The following NTM variants were observed in gnomAD, a reference collection of about 807,000 sequenced individuals.
NTM encodes the protein neurotrimin, also known as IgLON family member 2.
A neutral mutation model predicts 42.1 loss-of-function variants in NTM; 13 were observed. The ratio of observed to expected loss-of-function variants is 0.31; its 90% confidence interval spans 0.20 to 0.49. NTM has a LOEUF of 0.49. Ranked by LOEUF, NTM falls within the 20% of genes least tolerant of loss-of-function variation. NTM has a pLI of 0.99. For missense variants in NTM, 373 were observed against 452.8 expected (o/e 0.82, Z 1.60); for synonymous variants, 187 against 179.2 (o/e 1.04, Z -0.35).
rs11824328 is a variant in NTM, at chr11:132,272,322, A to G, written c.527-35367A>G. On this transcript the variant is annotated intron_variant, in intron 4 of 8. Coordinates refer to ENST00000683400, the MANE Select transcript of NTM (RefSeq NM_001352005.2). ...GAATCTGGAAATGTGGGTTCTTTAA[A>G]TTTGTTCTTTGTTTTCAATATTGTT... is the stretch of plus-strand genomic sequence containing the variant. Among the ~76,000 whole-genome samples, 1,514 of 152,140 alleles carry G rather than the reference A, an allele frequency of 1.0e-2. 24 individuals carry two copies. Among genetic ancestry groups the G allele is most frequent in the African/African-American group, 0.033 (1,375 of 41,526 alleles).
rs117665302 is a variant in NTM, at chr11:131,806,497, T to G, written c.83-105067T>G. On this transcript the variant is annotated intron_variant, in intron 1 of 8. Coordinates refer to ENST00000683400, the MANE Select transcript of NTM (RefSeq NM_001352005.2). ...AAGAGAAAAAGTGCTCAACAACTATTTATTAAATATATAAAGATTATGAGA... is the reference window on the plus strand; with the variant it reads ...AAGAGAAAAAGTGCTCAACAACTATGTATTAAATATATAAAGATTATGAGA... Among the ~76,000 whole-genome samples the G allele has an allele frequency of 1.8e-4, 27 of 152,252 alleles. No homozygotes were observed. The East Asian group carries it at 3.7e-3, about 21-fold the overall frequency.
chr11:131,539,627 T>G (rs1355898581), intron 1 of NTM: 2 of 152,162 alleles, frequency 1.3e-5, no homozygotes, highest in Non-Finnish European at 1.5e-5. Context: ...CAAGAAGAAG[T>G]GGGCTCTGAG....
chr11:131,412,468 T>C (rs1251254961), intron 1 of NTM, among the ~76,000 whole-genome samples: 4 of 152,248 alleles, frequency 2.6e-5, no homozygotes, highest in African/African-American at 7.2e-5. Context: ...GACTCTTATA[T>C]TCACCTGCAT....
intron 1 of NTM, among the ~76,000 whole-genome samples, chr11:131,614,833 G>C (rs903139742): frequency 1.3e-5 from 2 of 152,202 alleles, no homozygotes; most frequent in African/African-American, 4.8e-5. Context: ...GTGTTCAGTT[G>C]AAAGTGAGAC....
intron 2 of NTM, among the ~76,000 whole-genome samples, chr11:131,989,551 GA>G (rs1211267340): frequency 6.6e-6 from 1 of 152,172 alleles, no homozygotes; most frequent in African/African-American, 2.4e-5. Flanking sequence ...TTGTTTAGAG[GA>G]AATGACATCA....
chr11:131,957,269 G>C (rs191710930), intron 2 of NTM, among the ~76,000 whole-genome samples: 192 of 152,324 alleles, frequency 1.3e-3, no homozygotes, highest in African/African-American at 4.5e-3. Context: ...ATGTTTGGTA[G>C]TGTGATTATT....
intron 1 of NTM, among the ~76,000 whole-genome samples, chr11:131,696,785 G>GCACA (rs34907087): frequency 0.012 from 1,778 of 147,824 alleles, 30 homozygotes; most frequent in African/African-American, 0.037. Context: ...ACCCACGCAT[G>GCACA]CACACACACA....
At chr11:131,437,744 G>T (rs1033577727) in intron 1 of NTM, among the ~76,000 whole-genome samples, 2 of 152,152 alleles carry the variant, frequency 1.3e-5, no homozygotes, top group Non-Finnish European at 2.9e-5. Flanking sequence ...TATCCAATTT[G>T]CCAGTGTGTG....
At chr11:132,134,705 GTATATATATA>G (rs57297229) in intron 2 of NTM, among the ~76,000 whole-genome samples, 1,031 of 75,694 alleles carry the variant, frequency 0.014, 133 homozygotes, top group Middle Eastern at 0.037. Flanking sequence ...GTATTCCATG[GTATATATATA>G]TATATATATA....
intron 2 of NTM, among the ~76,000 whole-genome samples, chr11:132,127,778 A>C (rs1379293214): frequency 6.6e-6 from 1 of 152,206 alleles, no homozygotes; most frequent in Non-Finnish European, 1.5e-5. Context: ...GCCAAGCCTC[A>C]TTCATTTTGT....
chr11:131,569,146 A>ATT (rs34930353), intron 1 of NTM, among the ~76,000 whole-genome samples: 5,371 of 137,388 alleles, frequency 0.039, 313 homozygotes, highest in African/African-American at 0.13. Flanking sequence ...TTTCGTTTTC[A>ATT]TTTTTTTTTT....
chr11:131,929,323 C>CG (rs142070528), intron 2 of NTM, among the ~76,000 whole-genome samples: 6,314 of 142,390 alleles, frequency 0.044, 189 homozygotes, highest in Non-Finnish European at 0.064. Context: ...CCTGAACCAA[C>CG]GGGGGGGCAC....
At chr11:131,782,519 CTT>C (rs1298289067) in intron 1 of NTM, among the ~76,000 whole-genome samples, 2 of 151,966 alleles carry the variant, frequency 1.3e-5, no homozygotes, top group East Asian at 1.9e-4. Flanking sequence ...CATTATTACA[CTT>C]ATATCAAAAT....
chr11:131,533,054 T>C, intron 1 of NTM, among the ~76,000 whole-genome samples: 1 of 152,212 alleles, frequency 6.6e-6, no homozygotes, highest in Admixed American at 6.5e-5. Flanking sequence ...CTTGCTGAGA[T>C]GTGAGACTGA....
chr11:131,974,034 T>C (rs935508963), intron 2 of NTM, among the ~76,000 whole-genome samples: 5 of 151,408 alleles, frequency 3.3e-5, no homozygotes, highest in Non-Finnish European at 7.4e-5. Flanking sequence ...GTAGTACATA[T>C]ATTTTTTCTT....
At chr11:131,410,888 C>A (rs1946327885) in intron 1 of NTM, among the ~76,000 whole-genome samples, 1 of 152,218 alleles carries the variant, frequency 6.6e-6, no homozygotes, top group African/African-American at 2.4e-5. Flanking sequence ...ATTGTAACCA[C>A]AGGCATAAAT....
intron 1 of NTM, among the ~76,000 whole-genome samples, chr11:131,841,801 G>T (rs1480010061): frequency 6.6e-6 from 1 of 152,118 alleles, no homozygotes; most frequent in African/African-American, 2.4e-5. Flanking sequence ...AGTAGAGGAG[G>T]GATGGGGATT....
chr11:131,648,474 A>G (rs1426313054), intron 1 of NTM, among the ~76,000 whole-genome samples: 1 of 152,156 alleles, frequency 6.6e-6, no homozygotes, highest in Non-Finnish European at 1.5e-5. Flanking sequence ...AATAGTGTAT[A>G]AGTGTTCCAT....
At chr11:132,292,787 TAAAAAAAAAA>T (rs61603794) in intron 4 of NTM, among the ~76,000 whole-genome samples, 1 of 56,572 alleles carries the variant, frequency 1.8e-5, no homozygotes, top group South Asian at 9.0e-4. Context: ...GATGTAAAAG[TAAAAAAAAAA>T]AAAAAAAAAA....
Sources: allele counts gnomAD v4.1 joint callset (sites outside exome capture counted in the v4.1 genomes callset), GRCh38; gene constraint gnomAD v4.1.1; transcripts MANE v1.5; gene names NCBI Gene and HGNC (gene_info 2026-07-23, HGNC 2026-07-21).